Variants in PDIA4 observed in about 807,000 individuals in gnomAD.
The protein encoded by PDIA4 is protein disulfide isomerase family A member 4, also known as protein disulfide-isomerase A4.
Under a neutral mutation model 62.1 loss-of-function variants are expected in PDIA4, and 33 were observed. The observed-to-expected ratio is 0.53, with a 90% CI of 0.40 to 0.71. The LOEUF is 0.71. Among genes scored for constraint, PDIA4 ranks in the 30% least tolerant of loss-of-function variants. PDIA4 has a pLI of 0.00. For synonymous variants in PDIA4, 341 were observed against 324.1 expected (o/e 1.05, Z -0.56); for missense variants, 804 against 813.6 (o/e 0.99, Z 0.14).
At position 149,005,952 on chromosome 7, in the gene PDIA4, C is replaced by T. The variant is rs1823740463; in HGVS notation, c.1233G>A (p.Arg411=). ...KVSNDAKRYT[R]RPLVVVYYSV... ...TGTAGTAGACGACCACCAGGGGGCG[C>T]CTGGTGTAGCGCTTAGCATCGTTTG... is the stretch of plus-strand genomic sequence containing the variant. Residue 411 remains arginine, a synonymous_variant, in exon 8 of 10, where the codon AGG becomes AGA. Transcript: ENST00000652332. The T allele has an allele frequency of 1.3e-6, 2 of 1,532,020 alleles. No homozygotes were observed. The highest frequency in any genetic ancestry group is 2.5e-5 in the Admixed American group (1 of 40,260). 94.9% of individuals were successfully genotyped at this position (1,532,020 alleles called of 1,614,324 possible). A position where few individuals can be genotyped will look rare whatever the true frequency, so the allele number is the denominator to read the frequency against.
intron 1 of PDIA4, among the ~76,000 whole-genome samples, chr7:149,024,982 G>C (rs1178487053): frequency 6.7e-6 from 1 of 149,030 alleles, no homozygotes; most frequent in African/African-American, 2.5e-5. Flanking sequence ...AAATTAGCTG[G>C]GCGTGGTGAC....
chr7:149,016,817 T>C (rs1371955234), intron 3 of PDIA4, among the ~76,000 whole-genome samples: 1 of 152,218 alleles, frequency 6.6e-6, no homozygotes. Context: ...AGCCTACTAG[T>C]ACCTTCTTAG....
chr7:149,005,275 T>C lies in PDIA4; in HGVS notation c.1388A>G (p.Lys463Arg). ...CCCACTCTCGCTGAGCCCCAGGTCC[T>C]TCACCTCCCCAGCATAGTCCTCTTC... ...ADEEDYAGEV[K>R]DLGLSESGED... The change falls in exon 9 of 10, where the codon AAG becomes AGG. Residue 463 changes from lysine to arginine, a missense_variant. Physicochemically the swap from Lys to Arg is conservative, Grantham distance 26. Transcript: ENST00000652332. 3.7e-6 allele frequency: 6 copies of C among 1,614,084 alleles called. No individual in the cohort carries two copies. Among genetic ancestry groups the C allele is most frequent in the Non-Finnish European group, 5.1e-6 (6 of 1,179,948 alleles).
intron 3 of PDIA4, 78 bp downstream of exon 3, chr7:149,018,914 C>T (rs1299191453): frequency 1.9e-5 from 20 of 1,066,888 alleles, no homozygotes; most frequent in Non-Finnish European, 2.6e-5. Flanking sequence ...GTACCCTCAG[C>T]TTTTCTTCCT....
Position 149,014,939 on chromosome 7 carries a change from A to G in PDIA4, c.579T>C (p.Asp193=), listed in dbSNP as rs146428817. ...AAAACTCCACCAGAATGATATCTGC[A>G]TCATTCACAACTTCATCAAAGTTCT... ...TKENFDEVVN[D]ADIILVEFYA... is the part of the protein sequence containing the mutation. Residue 193 remains aspartate (D), a synonymous_variant, in exon 4 of 10, where the codon GAT becomes GAC. Coordinates refer to ENST00000652332, the MANE Select transcript of PDIA4 (RefSeq NM_004911.5). 7 of 1,614,196 alleles carry G rather than the reference A, an allele frequency of 4.3e-6. No individual in the cohort carries two copies. In the African/African-American group the frequency reaches 9.3e-5, roughly 22 times the overall value.
rs79254428 is a variant in PDIA4 at position 149,022,472 on chromosome 7, T to C, written c.89-1325A>G. ...ATTTTTATTAACCAGGTTCTCTGGC[T>C]ACTGTCACACCAGTAAACTGAACTG... On this transcript the variant is annotated intron_variant, in intron 1 of 9. Transcript: ENST00000652332. Among the ~76,000 whole-genome samples the C allele has an allele frequency of 7.0e-3, 1,063 of 152,366 alleles. 8 individuals are homozygous for C. The highest frequency in any genetic ancestry group is 0.024 in the African/African-American group (1,014 of 41,582).
intron 4 of PDIA4, 106 bp from the exon 5 acceptor site, chr7:149,012,466 C>G: frequency 1.1e-6 from 1 of 945,756 alleles, no homozygotes; most frequent in African/African-American, 1.6e-5. Context: ...AACCTGGCCA[C>G]ACCCAGTAAG....
intron 1 of PDIA4, among the ~76,000 whole-genome samples, chr7:149,026,252 C>T (rs536399250): frequency 2.0e-5 from 3 of 152,262 alleles, no homozygotes; most frequent in East Asian, 1.9e-4. Context: ...AAGCCCACAC[C>T]GTGGCTCACG....
chr7:149,008,380 A>AC, intron 6 of PDIA4, 70 bp from the exon 7 acceptor site: 1 of 1,481,176 alleles, frequency 6.8e-7, no homozygotes, highest in South Asian at 1.2e-5. Context: ...TTCGTTACCC[A>AC]CATCAGCCAA....
chr7:149,015,509 A>G (rs1824101043), intron 3 of PDIA4, among the ~76,000 whole-genome samples: 1 of 151,906 alleles, frequency 6.6e-6, no homozygotes, highest in South Asian at 2.1e-4. Context: ...AAAAAAAAAA[A>G]AAGGAAAAAT....
At chr7:149,011,561 G>A (rs1392975962) in intron 6 of PDIA4, among the ~76,000 whole-genome samples, 2 of 152,146 alleles carry the variant, frequency 1.3e-5, no homozygotes, top group South Asian at 2.1e-4. Flanking sequence ...TTCAGAGGCC[G>A]GCACCTTATG....
chr7:149,018,824 C>T (rs1213217948), intron 3 of PDIA4, among the ~76,000 whole-genome samples, 168 bp downstream of exon 3: 1 of 135,874 alleles, frequency 7.4e-6, no homozygotes, highest in Non-Finnish European at 1.6e-5. Context: ...CCACTACTCC[C>T]CCCTCCTACC....
chr7:149,013,013 C>T (rs549640554), intron 4 of PDIA4, among the ~76,000 whole-genome samples: 9 of 152,180 alleles, frequency 5.9e-5, no homozygotes, highest in Admixed American at 2.6e-4. Flanking sequence ...TTTGGGAGGC[C>T]GAGGCAGGTG....
Position 149,003,732 on chromosome 7 carries a change from C to T in PDIA4, c.*62G>A, listed in dbSNP as rs143837718. The stretch of plus-strand genomic sequence containing the variant: ...CGTTTGTTGCCGGCCTCGGCGTGGA[C>T]GCCCCGACCATGGGCCACGCAGGGC... On this transcript the variant is annotated 3_prime_UTR_variant, in exon 10 of 10. Transcript: ENST00000652332. 2,757 of 1,327,340 alleles carry T rather than the reference C, an allele frequency of 2.1e-3. 14 individuals are homozygous for T. The highest frequency in any genetic ancestry group is 0.013 in the Middle Eastern group (64 of 5,032). The allele number at this position is 1,327,340 out of a possible 1,614,324, so 82.2% of individuals were successfully genotyped here. A position where few individuals can be genotyped will look rare whatever the true frequency, so the allele number is the denominator to read the frequency against.
intron 3 of PDIA4, among the ~76,000 whole-genome samples, chr7:149,016,187 C>G (rs1015435979): frequency 1.3e-5 from 2 of 152,120 alleles, no homozygotes; most frequent in African/African-American, 4.8e-5. Flanking sequence ...CCCAGCTACT[C>G]GGGAGGCTGA....
chr7:149,012,249 G>A lies in PDIA4; in HGVS notation c.726C>T (p.Asp242=). Residue 242 remains aspartate (D), a synonymous_variant, in exon 5 of 10, where the codon GAC becomes GAT. Coordinates refer to ENST00000652332, the MANE Select transcript of PDIA4 (RefSeq NM_004911.5). ...LAKVDATAET[D]LAKRFDVSGY... is the part of the protein sequence containing the mutation. ...CAGAGACATCAAACCTCTTGGCCAG[G>A]TCTGTTTCTGCGGTGGCGTCGACCT... The A allele has an allele frequency of 6.2e-7, 1 of 1,614,176 alleles. No individual in the cohort carries two copies. Among genetic ancestry groups the A allele is most frequent in the Non-Finnish European group, 8.5e-7 (1 of 1,180,036 alleles).
chr7:149,028,357 G>A lies in PDIA4; in HGVS notation c.52C>T (p.Leu18=), dbSNP rs1424923900. The change falls in exon 1 of 10, where the codon CTG becomes TTG. Residue 18 remains leucine (L), a synonymous_variant. Transcript: ENST00000652332. The stretch of plus-strand genomic sequence containing the variant: ...CCCTCGGCACCCGCCACGGCCAGCA[G>A]CTGCACCAGCCCCAAGAGCAGCAGG... The part of the protein sequence containing the change: ...LLLLLLGLVQ[L]LAVAGAEGPD... 5.9e-6 allele frequency: 9 copies of A among 1,527,544 alleles called. No individual in the cohort carries two copies. Among genetic ancestry groups the A allele is most frequent in the East Asian group, 2.6e-5 (1 of 38,062 alleles). 94.6% of individuals were successfully genotyped at this position (1,527,544 alleles called of 1,614,324 possible). A position where few individuals can be genotyped will look rare whatever the true frequency, so the allele number is the denominator to read the frequency against.
chr7:149,016,006 C>T (rs1211394773), intron 3 of PDIA4, among the ~76,000 whole-genome samples: 1 of 152,230 alleles, frequency 6.6e-6, no homozygotes, highest in Non-Finnish European at 1.5e-5. Context: ...TAGAAGTACT[C>T]AACTTTTAGG....
At chr7:149,010,142 T>TA (rs1300268792) in intron 6 of PDIA4, among the ~76,000 whole-genome samples, 1 of 152,160 alleles carries the variant, frequency 6.6e-6, no homozygotes, top group Non-Finnish European at 1.5e-5. Context: ...TTAGACTTGT[T>TA]AGTTATTAAC....
Sources: gnomAD v4.1 joint callset for allele counts (sites outside exome capture counted in the v4.1 genomes callset) on GRCh38, gnomAD v4.1.1 for gene constraint, MANE v1.5 for transcripts, NCBI Gene and HGNC (gene_info 2026-07-23, HGNC 2026-07-21) for gene names.